The following BOD1L1 variants were observed in gnomAD, a reference collection of about 807,000 sequenced individuals.
The protein encoded by BOD1L1 is biorientation of chromosomes in cell division 1 like 1.
A neutral mutation model predicts 240.7 loss-of-function variants in BOD1L1; 86 were observed. The observed-to-expected ratio is 0.36, with a 90% confidence interval of 0.30 to 0.43. The LOEUF is 0.43. Ranked by LOEUF, BOD1L1 falls within the 20% of genes least tolerant of loss-of-function variation. The pLI is 1.00. For synonymous variants in BOD1L1, 1,268 were observed against 1,272.3 expected (o/e 1.00, Z 0.07); for missense variants, 3,554 against 3,643.5 (o/e 0.98, Z 0.63).
At chr4:13,609,581 T>A (rs1218813830) in intron 6 of BOD1L1, among the ~76,000 whole-genome samples, 175 bp from the exon 7 acceptor site, 1 of 152,182 alleles carries the variant, frequency 6.6e-6, no homozygotes, top group Non-Finnish European at 1.5e-5. Context: ...TGTGTATACA[T>A]ACATATGTAT....
intron 25 of BOD1L1, among the ~76,000 whole-genome samples, chr4:13,571,527 C>A (rs1560174057): frequency 6.6e-6 from 1 of 152,188 alleles, no homozygotes; most frequent in East Asian, 1.9e-4. Flanking sequence ...AGGTGCCGTG[C>A]GCAGTATTGT....
At chr4:13,608,748 T>C in intron 7 of BOD1L1, 80 bp from the exon 8 acceptor site, 2 of 1,244,216 alleles carry the variant, frequency 1.6e-6, no homozygotes, top group Non-Finnish European at 2.1e-6. Flanking sequence ...TTAAGATTTT[T>C]CTAATCATTG....
chr4:13,611,133 CTG>C, intron 5 of BOD1L1, 33 bp from the exon 6 acceptor site: 2 of 1,491,150 alleles, frequency 1.3e-6, no homozygotes, highest in Non-Finnish European at 1.8e-6. Context: ...AGGAGTATGT[CTG>C]TGAATTAGCA....
chr4:13,595,094 A>G (rs1452709267), intron 12 of BOD1L1, among the ~76,000 whole-genome samples: 1 of 152,236 alleles, frequency 6.6e-6, no homozygotes, highest in Non-Finnish European at 1.5e-5. Flanking sequence ...TGTCACTTTT[A>G]TCACTTAATT....
chr4:13,584,962 G>T (rs1399426600), intron 17 of BOD1L1, among the ~76,000 whole-genome samples: 1 of 152,104 alleles, frequency 6.6e-6, no homozygotes, highest in Non-Finnish European at 1.5e-5. Context: ...TTCTTCTGTA[G>T]TAACTGAAAA....
chr4:13,616,108 C>A (rs35407495), intron 2 of BOD1L1, among the ~76,000 whole-genome samples: 5 of 152,118 alleles, frequency 3.3e-5, no homozygotes, highest in Admixed American at 2.6e-4. Flanking sequence ...TCAACAATTA[C>A]GTTATAAGTG....
intron 25 of BOD1L1, chr4:13,572,799 C>T (rs1163762617): frequency 7.8e-7 from 1 of 1,289,658 alleles, no homozygotes; most frequent in South Asian, 1.2e-5. Flanking sequence ...TCTGGGCTGC[C>T]AAGTTTGGAT....
Position 13,604,576 on chromosome 4 carries a change from T to A in BOD1L1, c.2324A>T (p.Gln775Leu), listed in dbSNP as rs1560206778. 6.4e-7 allele frequency: 1 copy of A among 1,565,206 alleles called. No homozygotes were observed. Among genetic ancestry groups the A allele is most frequent in the African/African-American group, 1.4e-5 (1 of 72,366 alleles). ...GLKVEENIQK[Q>L]SQQTKLSSDD... ...TGAAGAAAGCTTTGTTTGTTGACTT[T>A]GCTTTTGAATATTTTCCTCTACTTT... The change falls in exon 10 of 26, where the codon CAA (glutamine) becomes CTA (leucine). Residue 775 changes from glutamine (Q) to leucine (L), a missense_variant. Coordinates refer to ENST00000040738, the MANE Select transcript of BOD1L1 (RefSeq NM_148894.3).
chr4:13,578,246 G>A (rs1712930238), intron 22 of BOD1L1: 1 of 151,718 alleles, frequency 6.6e-6, no homozygotes, highest in African/African-American at 2.4e-5. Flanking sequence ...TAAATGTTCT[G>A]ACCCCAAAAA....
At chr4:13,590,232 C>G (rs1480702365) in intron 14 of BOD1L1, among the ~76,000 whole-genome samples, 154 bp downstream of exon 14, 1 of 152,236 alleles carries the variant, frequency 6.6e-6, no homozygotes, top group Admixed American at 6.5e-5. Flanking sequence ...CTCAACTATA[C>G]TCCTGATGCT....
intron 17 of BOD1L1, among the ~76,000 whole-genome samples, chr4:13,585,181 A>G (rs1713574619): frequency 6.6e-6 from 1 of 152,184 alleles, no homozygotes; most frequent in Admixed American, 6.5e-5. Context: ...GTCAGAACCA[A>G]CTAAAATTCA....
intron 9 of BOD1L1, among the ~76,000 whole-genome samples, chr4:13,605,423 T>A (rs116549137): frequency 2.0e-5 from 3 of 152,286 alleles, no homozygotes; most frequent in African/African-American, 7.2e-5. Context: ...CTTAAAAATA[T>A]GCCATTAAAA....
At chr4:13,595,006 T>C (rs1028175384) in intron 12 of BOD1L1, among the ~76,000 whole-genome samples, 2 of 152,226 alleles carry the variant, frequency 1.3e-5, no homozygotes, top group African/African-American at 4.8e-5. Flanking sequence ...GCAACAGGAC[T>C]GAATGTGAAA....
chr4:13,574,962 C>G lies in BOD1L1; in HGVS notation c.9038+1876G>C, dbSNP rs571220450. On this transcript the variant is annotated intron_variant, in intron 25 of 25. Coordinates refer to ENST00000040738, the MANE Select transcript of BOD1L1 (RefSeq NM_148894.3). The stretch of plus-strand genomic sequence containing the variant: ...AGACGGGGAGTCTCACTCTGTCACC[C>G]AGGCTGGAGTGCAATGGCGTGATCT... Among the ~76,000 whole-genome samples, 491 of 151,458 alleles carry G rather than the reference C, an allele frequency of 3.2e-3. 2 individuals are homozygous for G. Among genetic ancestry groups the G allele is most frequent in the Middle Eastern group, 0.017 (5 of 292 alleles).
rs771157644 is a variant in BOD1L1, at chr4:13,599,048, A to G, written c.7852T>C (p.Ser2618Pro). Residue 2618 changes from serine to proline, a missense_variant, in exon 10 of 26, where the codon TCT (serine) becomes CCT (proline). Coordinates refer to ENST00000040738, the MANE Select transcript of BOD1L1 (RefSeq NM_148894.3). ...DYSGKWTDQA[S>P]AEKTGDDNST... ...TTATCATCTCCTGTTTTCTCAGCAG[A>G]TGCTTGATCAGTCCATTTGCCACTA... The G allele has an allele frequency of 8.7e-6, 14 of 1,613,882 alleles. No individual in the cohort carries two copies. Among genetic ancestry groups the G allele is most frequent in the Middle Eastern group, 1.6e-4 (1 of 6,084 alleles).
Position 13,600,278 on chromosome 4 carries a change from T to A in BOD1L1, c.6622A>T (p.Thr2208Ser), listed in dbSNP as rs751485219. 1.2e-6 allele frequency: 2 copies of A among 1,614,070 alleles called. No homozygotes were observed. The highest frequency in any genetic ancestry group is 3.3e-5 in the Admixed American group (2 of 60,030). Residue 2208 changes from threonine to serine, a missense_variant, in exon 10 of 26, where the codon ACC becomes TCC. Around this residue, in one of 2 missense-constraint regions of BOD1L1, gnomAD observed 3,393 missense variants for 3,427.1 expected, o/e 0.99. Coordinates refer to ENST00000040738, the MANE Select transcript of BOD1L1 (RefSeq NM_148894.3). ...CATTCATCCTTCTCCTCCTTGCTGG[T>A]TGAGGCAAGAGGACTTTCAGCTTCT... ...PPEAESPLAS[T>S]SKEEKDECAL...
chr4:13,589,184 A>G lies in BOD1L1; in HGVS notation c.8210-392T>C, dbSNP rs118093420. Among the ~76,000 whole-genome samples, 152 of 152,336 alleles carry G rather than the reference A, an allele frequency of 1.0e-3. 4 individuals carry two copies. In the East Asian group the frequency reaches 0.028, roughly 28 times the overall value. ...ATCATCAGGCTAACAAACAGTCACCAAACAATACCAAATATGGCAGATGGT... is the reference window on the plus strand; with the variant it reads ...ATCATCAGGCTAACAAACAGTCACCGAACAATACCAAATATGGCAGATGGT... On this transcript the variant is annotated intron_variant, in intron 14 of 25. Transcript: ENST00000040738.
At position 13,603,455 on chromosome 4, in the gene BOD1L1, T is replaced by A; in HGVS notation, c.3445A>T (p.Ile1149Phe). ...DNRNNNSQQD[I>F]DSENMKQKTS... ...TTTTGTTTCATATTTTCAGAGTCAATGTCTTGCTGAGAATTATTATTGCGG... is the reference window on the plus strand; with the variant it reads ...TTTTGTTTCATATTTTCAGAGTCAAAGTCTTGCTGAGAATTATTATTGCGG... The change falls in exon 10 of 26, where the codon ATT (isoleucine) becomes TTT (phenylalanine). Residue 1149 changes from isoleucine to phenylalanine, a missense_variant. Coordinates refer to ENST00000040738, the MANE Select transcript of BOD1L1 (RefSeq NM_148894.3). 6.2e-7 allele frequency: 1 copy of A among 1,613,922 alleles called. No individual in the cohort carries two copies. The highest frequency in any genetic ancestry group is 1.7e-5 in the Admixed American group (1 of 60,014).
chr4:13,601,384 G>A lies in BOD1L1; in HGVS notation c.5516C>T (p.Thr1839Ile). 1 of 1,614,032 alleles carries A rather than the reference G, an allele frequency of 6.2e-7. No individual in the cohort carries two copies. The change falls in exon 10 of 26, where the codon ACT becomes ATT. Residue 1839 changes from threonine to isoleucine, a missense_variant. Physicochemically the swap from Thr to Ile is moderately conservative, Grantham distance 89 (BLOSUM62 -1). Transcript: ENST00000040738. ...ACCAGCAGCAACTAATGGTACATTA[G>A]TGCCTTCTTTGGCCACTGTGCTGTC... Reference protein sequence around the residue: ...AMDSTVAKEGTNVPLVAAGPC... With the variant: ...AMDSTVAKEGINVPLVAAGPC...
Sources: allele counts gnomAD v4.1 joint callset (sites outside exome capture counted in the v4.1 genomes callset), GRCh38; gene constraint gnomAD v4.1.1; regional missense constraint gnomAD v4.1.1; transcripts MANE v1.5; gene names NCBI Gene and HGNC (gene_info 2026-07-23, HGNC 2026-07-21).